The following PDE1A variants were observed in gnomAD, a reference collection of about 807,000 sequenced individuals.
PDE1A encodes the protein dual specificity calcium/calmodulin-dependent 3',5'-cyclic nucleotide phosphodiesterase 1A.
In PDE1A, 35 loss-of-function variants were observed where a neutral mutation model predicts 61.7. That is an observed-to-expected ratio of 0.57 (90% CI 0.43 to 0.75). The LOEUF (loss-of-function observed/expected upper bound fraction) is 0.75, where lower values mean the gene tolerates loss of function less well. Among genes scored for constraint, PDE1A ranks in the 30% least tolerant of loss-of-function variants. The pLI is 0.00. For synonymous variants in PDE1A, 232 were observed against 213.2 expected (o/e 1.09, Z -0.77); for missense variants, 597 against 630.6 (o/e 0.95, Z 0.57).
upstream of PDE1A, among the ~76,000 whole-genome samples, chr2:182,429,630 C>A (rs1244177732): frequency 6.6e-6 from 1 of 152,090 alleles, no homozygotes; most frequent in Admixed American, 6.6e-5. Flanking sequence ...CACAAATCAG[C>A]TGAAACACAC....
the PDE1A span, among the ~76,000 whole-genome samples, chr2:182,620,066 G>A: frequency 6.6e-6 from 1 of 152,090 alleles, no homozygotes; most frequent in Non-Finnish European, 1.5e-5. Context: ...CATGAGTTTT[G>A]GAGGGGATGA....
chr2:182,671,793 G>A, the PDE1A span, among the ~76,000 whole-genome samples: 3 of 91,200 alleles, frequency 3.3e-5, no homozygotes, highest in Non-Finnish European at 5.2e-5. Flanking sequence ...CTAATTTTTT[G>A]TATTTTTAGT....
At chr2:182,210,764 T>A (rs1480620701) in intron 7 of PDE1A, among the ~76,000 whole-genome samples, 1 of 145,012 alleles carries the variant, frequency 6.9e-6, no homozygotes, top group Non-Finnish European at 1.5e-5. Flanking sequence ...TATGTAATCT[T>A]CTAGGAATTT....
At chr2:182,252,825 C>G (rs1691501042) in intron 2 of PDE1A, among the ~76,000 whole-genome samples, 1 of 152,052 alleles carries the variant, frequency 6.6e-6, no homozygotes, top group Non-Finnish European at 1.5e-5. Context: ...GACAGCCTCA[C>G]AGATAATGGT....
intron 1 of PDE1A, among the ~76,000 whole-genome samples, chr2:182,313,037 A>C (rs1460357948): frequency 6.6e-6 from 1 of 152,300 alleles, no homozygotes; most frequent in Admixed American, 6.5e-5. Flanking sequence ...TACTCTAAAA[A>C]TTTTCAGAAT....
Position 182,416,987 on chromosome 2 carries a change from A to C in PDE1A, c.53+9591T>G, listed in dbSNP as rs1220072465. Among the ~76,000 whole-genome samples, 5 of 152,294 alleles carry C rather than the reference A, an allele frequency of 3.3e-5. No individual in the cohort carries two copies. In the South Asian group the frequency reaches 1.0e-3, roughly 32 times the overall value. On this transcript the variant is annotated intron_variant, in intron 1 of 13. Coordinates refer to ENST00000351439, the Ensembl canonical transcript of PDE1A. ...AAATGCTGAGCTCAAGATTCAGTTCATTGGATTTGTCAGTTTCAACATCAT... is the reference window on the plus strand; with the variant it reads ...AAATGCTGAGCTCAAGATTCAGTTCCTTGGATTTGTCAGTTTCAACATCAT...
At chr2:182,470,043 T>C (rs1316057243) in intron 2 of PDE1A, among the ~76,000 whole-genome samples, 3 of 151,756 alleles carry the variant, frequency 2.0e-5, no homozygotes, top group Non-Finnish European at 2.9e-5. Context: ...AAGTTTGAAA[T>C]AGTGCAAGAA....
At chr2:182,582,572 G>C in the PDE1A span, among the ~76,000 whole-genome samples, 1 of 152,182 alleles carries the variant, frequency 6.6e-6, no homozygotes, top group South Asian at 2.1e-4. Context: ...AAGGATATAT[G>C]GACAAAAGAG....
intron 2 of PDE1A, among the ~76,000 whole-genome samples, chr2:182,489,086 AGAG>A (rs1688210884): frequency 3.3e-5 from 5 of 152,238 alleles, no homozygotes; most frequent in Admixed American, 2.6e-4. Flanking sequence ...AAGTGGTCAA[AGAG>A]AGCTTTTCTG....
intron 8 of PDE1A, among the ~76,000 whole-genome samples, chr2:182,204,930 A>G (rs981080647): frequency 6.6e-5 from 10 of 152,330 alleles, no homozygotes; most frequent in Non-Finnish European, 1.2e-4. Flanking sequence ...GGCCTTGAAG[A>G]ACCAGGAAAC....
chr2:182,328,844 A>T (rs1158332100), intron 1 of PDE1A, among the ~76,000 whole-genome samples: 2 of 152,166 alleles, frequency 1.3e-5, no homozygotes, highest in Non-Finnish European at 2.9e-5. Context: ...ATTATTTAGA[A>T]TCAAAGTAAC....
intron 2 of PDE1A, among the ~76,000 whole-genome samples, chr2:182,451,635 C>T (rs998477316): frequency 6.6e-5 from 10 of 151,998 alleles, no homozygotes; most frequent in South Asian, 2.1e-4. Flanking sequence ...GCTATTGTTT[C>T]AAGCCATAAT....
At chr2:182,397,752 T>C (rs1206505608) in intron 1 of PDE1A, among the ~76,000 whole-genome samples, 1 of 152,094 alleles carries the variant, frequency 6.6e-6, no homozygotes, top group Non-Finnish European at 1.5e-5. Flanking sequence ...CTCTTTAAGA[T>C]CAGGGATCAG....
intron 13 of PDE1A, among the ~76,000 whole-genome samples, chr2:182,168,814 A>G (rs1374576166): frequency 3.3e-5 from 5 of 152,118 alleles, no homozygotes; most frequent in African/African-American, 1.2e-4. Context: ...TCTTTCTCTT[A>G]TTAAAAAATG....
intron 2 of PDE1A, among the ~76,000 whole-genome samples, chr2:182,489,381 A>G (rs187175712): frequency 1.1e-3 from 163 of 152,348 alleles, no homozygotes; most frequent in Non-Finnish European, 2.0e-3. Flanking sequence ...AAAGCTCTCA[A>G]ACAGAGAAGT....
intron 13 of PDE1A, among the ~76,000 whole-genome samples, chr2:182,181,900 A>C (rs1447049140): frequency 6.6e-6 from 1 of 152,178 alleles, no homozygotes; most frequent in Non-Finnish European, 1.5e-5. Context: ...AAAGCCCAGC[A>C]GTTTGCTTAT....
At chr2:182,690,403 A>G in the PDE1A span, among the ~76,000 whole-genome samples, 5 of 152,242 alleles carry the variant, frequency 3.3e-5, no homozygotes, top group Non-Finnish European at 4.4e-5. Flanking sequence ...GTAATCCAGC[A>G]TGTAAATAGA....
chr2:182,715,045 C>G, the PDE1A span, among the ~76,000 whole-genome samples: 6 of 152,100 alleles, frequency 3.9e-5, no homozygotes, highest in Non-Finnish European at 7.4e-5. Context: ...GTATAAAAAC[C>G]TGTCTGTGAT....
At chr2:182,380,031 T>C (rs1352549412) in intron 1 of PDE1A, among the ~76,000 whole-genome samples, 1 of 152,004 alleles carries the variant, frequency 6.6e-6, no homozygotes, top group Non-Finnish European at 1.5e-5. Context: ...TACTCTATCA[T>C]GCCTCTCTAC....
Sources: allele counts gnomAD v4.1 joint callset (sites outside exome capture counted in the v4.1 genomes callset), GRCh38; gene constraint gnomAD v4.1.1; transcripts MANE v1.5; gene names NCBI Gene and HGNC (gene_info 2026-07-23, HGNC 2026-07-21).